Variants in CEL observed in about 807,000 individuals in gnomAD.
The protein encoded by CEL is carboxyl ester lipase.
CEL carries 39 observed loss-of-function variants against 57.1 expected under a neutral mutation model. The ratio of observed to expected loss-of-function variants is 0.68; its 90% CI spans 0.53 to 0.89. The LOEUF is 0.89. Ranked by LOEUF, CEL falls within the 40% of genes least tolerant of loss-of-function variation. The pLI is 0.00. For synonymous variants in CEL, 314 were observed against 396.6 expected (o/e 0.79, Z 2.48); for missense variants, 698 against 915.0 (o/e 0.76, Z 3.06).
chr9:133,064,790 A>G (rs374129691), intron 3 of CEL, 28 bp downstream of exon 3: 25 of 1,613,032 alleles, frequency 1.5e-5, no homozygotes, highest in Middle Eastern at 1.7e-4. Flanking sequence ...TCCCCAAGGG[A>G]CCCTCCCATG....
chr9:133,070,531 G>A lies in CEL; in HGVS notation c.1357G>A (p.Ala453Thr), dbSNP rs1564213089. 1.2e-6 allele frequency: 2 copies of A among 1,614,016 alleles called. No homozygotes were observed. The highest frequency in any genetic ancestry group is 1.7e-6 in the Non-Finnish European group (2 of 1,179,994). The change falls in exon 10 of 11, where the codon GCC becomes ACC. Residue 453 changes from alanine to threonine, a missense_variant. Ala to Thr is a moderately conservative substitution (Grantham distance 58). Coordinates refer to ENST00000372080, the MANE Select transcript of CEL (RefSeq NM_001807.6). Reference sequence around the variant, plus strand: ...GCCCGTCTACCCCAAATGGGTGGGGGCCGACCATGCAGATGACATTCAGTA... The same window carrying A: ...GCCCGTCTACCCCAAATGGGTGGGGACCGACCATGCAGATGACATTCAGTA... Reference protein sequence around the residue: ...RMPVYPKWVGADHADDIQYVF... With the variant: ...RMPVYPKWVGTDHADDIQYVF...
intron 3 of CEL, 135 bp downstream of exon 3, chr9:133,064,897 G>A: frequency 6.5e-7 from 1 of 1,543,388 alleles, no homozygotes; most frequent in Non-Finnish European, 8.8e-7. Flanking sequence ...AGCGCCCACT[G>A]CCGTTGCCCA....
Position 133,071,602 on chromosome 9 carries a change from C to A in CEL, c.2100C>A (p.Ala700=), listed in dbSNP as rs8193022. The change falls in exon 11 of 11, where the codon GCC becomes GCA. Residue 700 remains alanine, a synonymous_variant. Coordinates refer to ENST00000372080, the MANE Select transcript of CEL (RefSeq NM_001807.6). ...TGCCGCCCACGGGTGACTCCGGGGC[C>A]CCCCCCGTGACCCCCACGGGTGACT... ...PPVPPTGDSG[A]PPVTPTGDSE... 191 of 1,430,864 alleles carry A rather than the reference C, an allele frequency of 1.3e-4. No homozygotes were observed. In the East Asian group the frequency reaches 4.7e-3, roughly 35 times the overall value. The allele number at this position is 1,430,864 out of a possible 1,614,324, so 88.6% of individuals were successfully genotyped here.
At position 133,064,707 on chromosome 9, in the gene CEL, C is replaced by T. The variant is rs531669054; in HGVS notation, c.285C>T (p.Tyr95=). 19 of 1,614,104 alleles carry T rather than the reference C, an allele frequency of 1.2e-5. No individual in the cohort carries two copies. The highest frequency in any genetic ancestry group is 1.7e-5 in the Admixed American group (1 of 60,028). Reference sequence around the variant, plus strand: ...CCACCATCACCCAGGACAGCACCTACGGGGATGAAGACTGCCTGTACCTCA... The same window carrying T: ...CCACCATCACCCAGGACAGCACCTATGGGGATGAAGACTGCCTGTACCTCA... The part of the protein sequence containing the change: ...LQATITQDST[Y]GDEDCLYLNI... Residue 95 remains tyrosine, a synonymous_variant, in exon 3 of 11, where the codon TAC becomes TAT. Transcript: ENST00000372080.
chr9:133,069,786 C>A (rs1830234399), intron 9 of CEL, among the ~76,000 whole-genome samples: 1 of 152,064 alleles, frequency 6.6e-6, no homozygotes, highest in Non-Finnish European at 1.5e-5. Context: ...GTCTGGCCAA[C>A]ATGGCAAAAC....
intron 1 of CEL, 98 bp downstream of exon 1, chr9:133,062,166 A>G (rs994249974): frequency 3.0e-6 from 4 of 1,346,628 alleles, no homozygotes; most frequent in South Asian, 2.7e-5. Context: ...ACAGCCCCGC[A>G]GCAGATCCCG....
rs1830218676 is a variant in CEL, at chr9:133,068,687, A to G, written c.911A>G (p.Tyr304Cys). 6.2e-7 allele frequency: 1 copy of G among 1,612,262 alleles called. No individual in the cohort carries two copies. Among genetic ancestry groups the G allele is most frequent in the African/African-American group, 1.3e-5 (1 of 74,506 alleles). ...TCCCACCCAGACCCCATGCTGCACT[A>G]TGTGGGCTTCGTCCCTGTCATTGAT... ...LAGLEYPMLH[Y>C]VGFVPVIDGD... The change falls in exon 8 of 11, where the codon TAT (tyrosine) becomes TGT (cysteine). Residue 304 changes from tyrosine (Y) to cysteine (C), a missense_variant. This residue lies in a region of CEL where 18 missense variants were observed against 81.4 expected (regional missense o/e 0.22). Coordinates refer to ENST00000372080, the MANE Select transcript of CEL (RefSeq NM_001807.6).
In CEL at chr9:133,065,188, C is replaced by T; in HGVS notation, c.489C>T (p.Tyr163=). 6.2e-7 allele frequency: 1 copy of T among 1,613,864 alleles called. No individual in the cohort carries two copies. Among genetic ancestry groups the T allele is most frequent in the South Asian group, 1.1e-5 (1 of 91,088 alleles). ...RGNVIVVTFN[Y]RVGPLGFLST... ...ACGTCATCGTGGTCACCTTCAACTA[C>T]CGTGTCGGCCCCCTTGGGTTCCTCA... The change falls in exon 4 of 11, where the codon TAC becomes TAT. Residue 163 remains tyrosine (Y), a synonymous_variant. Coordinates refer to ENST00000372080, the MANE Select transcript of CEL (RefSeq NM_001807.6).
Position 133,071,567 on chromosome 9 carries a change from G to A in CEL, c.2065G>A (p.Ala689Thr), listed in dbSNP as rs997868037. Residue 689 changes from alanine (A) to threonine (T), a missense_variant, in exon 11 of 11, where the codon GCC becomes ACC. This residue lies in a region of CEL where 238 missense variants were observed against 213.7 expected (regional missense o/e 1.11). Coordinates refer to ENST00000372080, the MANE Select transcript of CEL (RefSeq NM_001807.6). ...CGTGCCGCCCACGGGTGACTCCGGCGCCCCCCCCGTGCCGCCCACGGGTGA... is the reference window on the plus strand; with the variant it reads ...CGTGCCGCCCACGGGTGACTCCGGCACCCCCCCCGTGCCGCCCACGGGTGA... ...PPVPPTGDSG[A>T]PPVPPTGDSG... 2.6e-5 allele frequency: 18 copies of A among 688,324 alleles called. No homozygotes were observed. Among genetic ancestry groups the A allele is most frequent in the Admixed American group, 7.8e-5 (2 of 25,494 alleles). 42.6% of individuals were successfully genotyped at this position (688,324 alleles called of 1,614,324 possible).
chr9:133,067,099 G>T lies in CEL; in HGVS notation c.789G>T (p.Lys263Asn), dbSNP rs774639442. Residue 263 changes from lysine (K) to asparagine (N), a missense_variant, in exon 7 of 11, where the codon AAG becomes AAT. This residue lies in a region of CEL where 327 missense variants were observed against 374.1 expected (regional missense o/e 0.87). Transcript: ENST00000372080. The part of the protein sequence containing the change: ...PLFWAKKVAE[K>N]VGCPVGDAAR... ...GGTTCTGCCCCCAGGTGGCTGAGAA[G>T]GTGGGTTGCCCTGTGGGTGATGCCG... The T allele has an allele frequency of 7.4e-6, 12 of 1,614,154 alleles. No individual in the cohort carries two copies. In the South Asian group the frequency reaches 1.2e-4, roughly 16 times the overall value.
In CEL at chr9:133,071,749, A is replaced by T; in HGVS notation, c.2247A>T (p.Ala749=). ...ACTCCAAGGAAGCTCAGATGCCTGC[A>T]GTCATTAGGTTTTAGCGTCCCATGA... is the stretch of plus-strand genomic sequence containing the variant. The part of the protein sequence containing the change: ...TDDSKEAQMP[A]VIRF Residue 749 remains alanine (A), a synonymous_variant, in exon 11 of 11, where the codon GCA becomes GCT. Coordinates refer to ENST00000372080, the MANE Select transcript of CEL (RefSeq NM_001807.6). 6.2e-7 allele frequency: 1 copy of T among 1,611,908 alleles called. No individual in the cohort carries two copies. Among genetic ancestry groups the T allele is most frequent in the Non-Finnish European group, 8.5e-7 (1 of 1,179,192 alleles).
intron 9 of CEL, among the ~76,000 whole-genome samples, chr9:133,070,085 G>A (rs1233966837): frequency 6.6e-6 from 1 of 151,636 alleles, no homozygotes; most frequent in Non-Finnish European, 1.5e-5. Context: ...CAACTAAGCA[G>A]TACATTTAGC....
chr9:133,070,856 A>G lies in CEL; in HGVS notation c.1485-131A>G, dbSNP rs994489498. Reference sequence around the variant, plus strand: ...CCATGCACGTGCACAGCCAGTGCCCAGTATGCAGTGAGGGGCATGGTGCCC... The same window carrying G: ...CCATGCACGTGCACAGCCAGTGCCCGGTATGCAGTGAGGGGCATGGTGCCC... On this transcript the variant is annotated intron_variant, in intron 10 of 10. Coordinates refer to ENST00000372080, the MANE Select transcript of CEL (RefSeq NM_001807.6). 2.1e-5 allele frequency: 26 copies of G among 1,239,898 alleles called. No individual in the cohort carries two copies. In the African/African-American group the frequency reaches 3.2e-4, roughly 15 times the overall value. The allele number at this position is 1,239,898 out of a possible 1,614,324, so 76.8% of individuals were successfully genotyped here.
Position 133,071,645 on chromosome 9 carries a change from C to T in CEL, c.2143C>T (p.Pro715Ser). ...PTGDSETAPV[P>S]PTGDSGAPPV... ...GGGTGACTCCGAGACCGCCCCCGTG[C>T]CGCCCACGGGTGACTCCGGGGCCCC... The change falls in exon 11 of 11, where the codon CCG becomes TCG. Residue 715 changes from proline (P) to serine (S), a missense_variant. Physicochemically the swap from Pro to Ser is moderately conservative, Grantham distance 74 (BLOSUM62 -1). Around this residue, in one of 6 missense-constraint regions of CEL, gnomAD observed 238 missense variants for 213.7 expected, o/e 1.11. Transcript: ENST00000372080. 4 of 1,476,526 alleles carry T rather than the reference C, an allele frequency of 2.7e-6. No homozygotes were observed. The highest frequency in any genetic ancestry group is 3.7e-6 in the Non-Finnish European group (4 of 1,070,204). 91.5% of individuals were successfully genotyped at this position (1,476,526 alleles called of 1,614,324 possible).
chr9:133,063,339 G>C (rs1830121770), intron 1 of CEL, among the ~76,000 whole-genome samples: 1 of 151,396 alleles, frequency 6.6e-6, no homozygotes, highest in African/African-American at 2.5e-5. Context: ...AGGAGACACA[G>C]ATGCCTCGCA....
rs75294797 is a variant in CEL, at chr9:133,071,636, G to A, written c.2134G>A (p.Ala712Thr). 2,899 of 1,341,846 alleles carry A rather than the reference G, an allele frequency of 2.2e-3. 80 individuals are homozygous for A. In the African/African-American group the frequency reaches 0.029, roughly 13 times the overall value. 83.1% of individuals were successfully genotyped at this position (1,341,846 alleles called of 1,614,324 possible). Residue 712 changes from alanine to threonine, a missense_variant, in exon 11 of 11, where the codon GCC becomes ACC. This residue lies in a region of CEL where 238 missense variants were observed against 213.7 expected (regional missense o/e 1.11). Coordinates refer to ENST00000372080, the MANE Select transcript of CEL (RefSeq NM_001807.6). ...PVTPTGDSETAPVPPTGDSGA... is the reference protein window; with the variant it reads ...PVTPTGDSETTPVPPTGDSGA... ...GACCCCCACGGGTGACTCCGAGACC[G>A]CCCCCGTGCCGCCCACGGGTGACTC...
At chr9:133,068,441 G>C (rs1830214975) in intron 7 of CEL, among the ~76,000 whole-genome samples, 1 of 152,010 alleles carries the variant, frequency 6.6e-6, no homozygotes, top group Non-Finnish European at 1.5e-5. Context: ...ATCTGTGATT[G>C]TCACAGCTGG....
chr9:133,066,976 T>TGGGGGGGGGGGGGGGGGGG lies in CEL; in HGVS notation c.777+36_777+37insGGGGGGGGGGGGGGGGGGG. 5.3e-6 allele frequency: 4 copies of TGGGGGGGGGGGGGGGGGGG among 753,420 alleles called. No homozygotes were observed. Among genetic ancestry groups the TGGGGGGGGGGGGGGGGGGG allele is most frequent in the East Asian group, 4.3e-5 (1 of 23,096 alleles). 46.7% of individuals were successfully genotyped at this position (753,420 alleles called of 1,614,324 possible). On this transcript the variant is annotated intron_variant, in intron 6 of 10. Coordinates refer to ENST00000372080, the MANE Select transcript of CEL (RefSeq NM_001807.6). This position sits in a 1 kb window ranked among gnomAD's most constrained non-coding sequence, Gnocchi z 4.3. ...CGGAGGAGGGCAGGGCTGGGCGGGG[T>TGGGGGGGGGGGGGGGGGGG]GGGGGCTGTCCACATTTCCGTTCTT...
chr9:133,064,878 G>A (rs1182730558), intron 3 of CEL, 116 bp downstream of exon 3: 26 of 1,564,306 alleles, frequency 1.7e-5, no homozygotes, highest in Admixed American at 5.2e-5. Flanking sequence ...CCACAGAGGC[G>A]GGGAGGGGAG....
Sources: gnomAD v4.1 joint callset for allele counts (sites outside exome capture counted in the v4.1 genomes callset) on GRCh38, gnomAD v4.1.1 for gene constraint, gnomAD v4.1.1 regional missense constraint, Gnocchi (gnomAD v3.1) non-coding constraint, MANE v1.5 for transcripts, NCBI Gene and HGNC (gene_info 2026-07-23, HGNC 2026-07-21) for gene names.